PHF24: variants seen among roughly 807,000 people sequenced by gnomAD.
PHF24 encodes Galpha inhibitory interacting protein.
A neutral mutation model predicts 42.6 loss-of-function variants in PHF24; 25 were observed. The ratio of observed to expected loss-of-function variants is 0.59; its 90% CI spans 0.43 to 0.82. The LOEUF is 0.82. PHF24 is among the 40% of genes least tolerant of loss of function. PHF24 has a pLI of 0.00. For missense variants in PHF24, 470 were observed against 538.1 expected (o/e 0.87, Z 1.25); for synonymous variants, 185 against 204.8 (o/e 0.90, Z 0.83).
the PHF24 span, among the ~76,000 whole-genome samples, chr9:34,789,962 T>A: frequency 6.6e-6 from 1 of 152,160 alleles, no homozygotes; most frequent in South Asian, 2.1e-4. Flanking sequence ...TCCTCCAATC[T>A]CAGCCTCCTG....
the PHF24 span, among the ~76,000 whole-genome samples, chr9:34,948,109 CAA>C: frequency 1.2e-4 from 11 of 90,472 alleles, no homozygotes; most frequent in Admixed American, 1.1e-4. Context: ...GACTCCGTCT[CAA>C]AAAAAAAAAA....
chr9:34,836,165 C>T, the PHF24 span: 9 of 395,346 alleles, frequency 2.3e-5, no homozygotes, highest in African/African-American at 1.5e-4. Flanking sequence ...TAGAAGCCTA[C>T]ACCCCCTTCA....
the PHF24 span, among the ~76,000 whole-genome samples, chr9:34,822,669 C>T: frequency 2.0e-5 from 3 of 152,070 alleles, no homozygotes; most frequent in East Asian, 1.9e-4. Context: ...CTTGGAGGCC[C>T]GTCAGAATCA....
the PHF24 span, among the ~76,000 whole-genome samples, chr9:34,707,137 C>T: frequency 6.6e-6 from 1 of 152,172 alleles, no homozygotes; most frequent in Non-Finnish European, 1.5e-5. Context: ...TGTGATGGGG[C>T]AAGTGACAGG....
chr9:34,688,258 C>T, the PHF24 span, among the ~76,000 whole-genome samples: 2 of 152,208 alleles, frequency 1.3e-5, no homozygotes, highest in Non-Finnish European at 2.9e-5. Context: ...AATCTGGCCT[C>T]CTTGCTGTCA....
At chr9:34,803,707 A>C in the PHF24 span, among the ~76,000 whole-genome samples, 1 of 152,214 alleles carries the variant, frequency 6.6e-6, no homozygotes, top group East Asian at 1.9e-4. Context: ...GCCATCCCCA[A>C]CTGGAATAGG....
chr9:34,760,257 G>C, the PHF24 span, among the ~76,000 whole-genome samples: 25 of 152,180 alleles, frequency 1.6e-4, no homozygotes, highest in African/African-American at 6.0e-4. Context: ...ATTTCTTCAA[G>C]GAACTGTTCA....
chr9:34,720,985 G>A, the PHF24 span, among the ~76,000 whole-genome samples: 1 of 151,964 alleles, frequency 6.6e-6, no homozygotes, highest in Non-Finnish European at 1.5e-5. Flanking sequence ...CCACAGACAC[G>A]GTCCCTTCCC....
chr9:34,821,348 T>C, the PHF24 span, among the ~76,000 whole-genome samples: 2 of 152,244 alleles, frequency 1.3e-5, no homozygotes, highest in Admixed American at 6.5e-5. Flanking sequence ...ATGGTTGTTT[T>C]AGGGCATATA....
chr9:34,767,050 G>A, the PHF24 span, among the ~76,000 whole-genome samples: 2 of 152,166 alleles, frequency 1.3e-5, no homozygotes, highest in Admixed American at 6.5e-5. Flanking sequence ...CTGTCTGATC[G>A]TTCCTCTGGA....
chr9:34,745,184 A>G, the PHF24 span, among the ~76,000 whole-genome samples: 1 of 152,184 alleles, frequency 6.6e-6, no homozygotes, highest in South Asian at 2.1e-4. Context: ...GAGCTGAAGT[A>G]GGCTGACTAC....
At chr9:34,763,942 T>A in the PHF24 span, among the ~76,000 whole-genome samples, 2 of 152,314 alleles carry the variant, frequency 1.3e-5, no homozygotes, top group Middle Eastern at 6.8e-3. Flanking sequence ...CTTTTCTGCA[T>A]CTATTGAGAT....
the PHF24 span, among the ~76,000 whole-genome samples, chr9:34,850,985 A>T: frequency 1.3e-5 from 2 of 152,104 alleles, no homozygotes; most frequent in African/African-American, 4.8e-5. Context: ...GTACCCGGCC[A>T]TGTGAGGTGT....
At chr9:34,911,373 C>G in the PHF24 span, among the ~76,000 whole-genome samples, 1 of 152,138 alleles carries the variant, frequency 6.6e-6, no homozygotes, top group Admixed American at 6.5e-5. Context: ...TCTGCCTCAG[C>G]CTCCCAAGTA....
chr9:34,752,044 G>A, the PHF24 span, among the ~76,000 whole-genome samples: 1 of 152,040 alleles, frequency 6.6e-6, no homozygotes, highest in Non-Finnish European at 1.5e-5. Context: ...ATAGGAAACA[G>A]TGAAAGCAAT....
At chr9:34,744,164 G>A in the PHF24 span, among the ~76,000 whole-genome samples, 2 of 152,176 alleles carry the variant, frequency 1.3e-5, no homozygotes, top group Non-Finnish European at 2.9e-5. Context: ...TTTCTCCTGA[G>A]CAATTGTAAT....
chr9:34,811,711 G>A, the PHF24 span, among the ~76,000 whole-genome samples: 2 of 152,244 alleles, frequency 1.3e-5, no homozygotes, highest in South Asian at 4.2e-4. Flanking sequence ...AAGGAAACAG[G>A]AGAAAATATT....
the PHF24 span, among the ~76,000 whole-genome samples, chr9:34,882,255 C>T: frequency 1.3e-5 from 2 of 152,118 alleles, no homozygotes; most frequent in Admixed American, 6.5e-5. Context: ...CAGCCAATAT[C>T]GTACTGAATG....
chr9:34,861,789 A>C, the PHF24 span, among the ~76,000 whole-genome samples: 1 of 152,186 alleles, frequency 6.6e-6, no homozygotes, highest in Non-Finnish European at 1.5e-5. Flanking sequence ...TAGTAGGTGA[A>C]AGTTTGATGA....
Sources: allele counts gnomAD v4.1 joint callset (sites outside exome capture counted in the v4.1 genomes callset), GRCh38; gene constraint gnomAD v4.1.1; transcripts MANE v1.5; gene names NCBI Gene and HGNC (gene_info 2026-07-23, HGNC 2026-07-21).